The following SFMBT1 variants were observed in gnomAD, a reference collection of about 807,000 sequenced individuals.
SFMBT1 encodes the protein scm-like with four MBT domains protein 1.
SFMBT1 carries 32 observed loss-of-function variants against 108.7 expected under a neutral mutation model. The observed-to-expected ratio is 0.29, with a 90% CI of 0.22 to 0.40. The LOEUF (loss-of-function observed/expected upper bound fraction) is 0.40, where lower values mean the gene tolerates loss of function less well. Ranked by LOEUF, SFMBT1 falls within the 10% of genes least tolerant of loss-of-function variation. The pLI, the probability that SFMBT1 is intolerant of heterozygous loss-of-function variation, is 1.00. For synonymous variants in SFMBT1, 348 were observed against 369.5 expected (o/e 0.94, Z 0.67); for missense variants, 816 against 1,059.6 (o/e 0.77, Z 3.19).
chr3:52,917,101 AG>A (rs1211390886), intron 13 of SFMBT1, among the ~76,000 whole-genome samples: 1 of 74,460 alleles, frequency 1.3e-5, no homozygotes, highest in Non-Finnish European at 3.4e-5. Flanking sequence ...ATCCAAGGTC[AG>A]TCTTTTTTTT....
chr3:52,968,086 A>G (rs1156657559), intron 2 of SFMBT1, among the ~76,000 whole-genome samples: 1 of 152,266 alleles, frequency 6.6e-6, no homozygotes, highest in Admixed American at 6.5e-5. Flanking sequence ...ACTGCAGTAC[A>G]TTCATGACTG....
At chr3:52,910,898 T>C in intron 17 of SFMBT1, 105 bp downstream of exon 17, 1 of 925,854 alleles carries the variant, frequency 1.1e-6, no homozygotes, top group Non-Finnish European at 1.7e-6. Flanking sequence ...ACAGAAGAAG[T>C]TCGTGTGCCT....
intron 2 of SFMBT1, among the ~76,000 whole-genome samples, chr3:52,965,501 G>A (rs1358354654): frequency 6.6e-6 from 1 of 151,976 alleles, no homozygotes; most frequent in Non-Finnish European, 1.5e-5. Context: ...GGTGGGAGGT[G>A]GGAGAGTGTC....
rs115852111 is a variant in SFMBT1, at chr3:53,034,266, G to A, written c.-131+11550C>T. On this transcript the variant is annotated intron_variant, in intron 1 of 20. Coordinates refer to ENST00000394752, the MANE Select transcript of SFMBT1 (RefSeq NM_016329.4). ...AATACTTTATAAAATTTAAGTTAAG[G>A]AATCTTTCCTTGGCAAGATTCATCA... Among the ~76,000 whole-genome samples the A allele has an allele frequency of 4.8e-3, 723 of 152,202 alleles. 8 individuals are homozygous for A. Among genetic ancestry groups the A allele is most frequent in the African/African-American group, 0.017 (693 of 41,536 alleles).
chr3:52,936,893 CTTTTT>C (rs5848969), intron 4 of SFMBT1, among the ~76,000 whole-genome samples: 1 of 114,988 alleles, frequency 8.7e-6, no homozygotes, highest in African/African-American at 3.2e-5. Flanking sequence ...TTACACATTT[CTTTTT>C]TTTTTTTTTT....
intron 1 of SFMBT1, among the ~76,000 whole-genome samples, chr3:52,987,249 A>G (rs1266207100): frequency 2.0e-5 from 3 of 152,130 alleles, no homozygotes; most frequent in African/African-American, 7.2e-5. Context: ...ATACTCTAAA[A>G]TAATGATTTA....
intron 11 of SFMBT1, 30 bp downstream of exon 11, chr3:52,921,675 C>T: frequency 1.2e-6 from 2 of 1,607,366 alleles, no homozygotes; most frequent in Non-Finnish European, 1.7e-6. Flanking sequence ...AGAGTGGCCA[C>T]AGGAAGGCTT....
chr3:52,983,309 C>T (rs1416302050), intron 1 of SFMBT1, among the ~76,000 whole-genome samples: 2 of 152,082 alleles, frequency 1.3e-5, no homozygotes, highest in East Asian at 3.9e-4. Flanking sequence ...ATTTTTTCTC[C>T]AGCTTACTCT....
intron 1 of SFMBT1, among the ~76,000 whole-genome samples, chr3:53,035,207 TGG>T (rs1357180047): frequency 6.8e-6 from 1 of 147,848 alleles, no homozygotes. Context: ...CGGCCAAATG[TGG>T]GATTTTATGT....
intron 3 of SFMBT1, among the ~76,000 whole-genome samples, chr3:52,950,033 T>C (rs1350881615): frequency 2.0e-5 from 3 of 151,948 alleles, no homozygotes. Flanking sequence ...TTGGGTCATA[T>C]TTTTTGATCC....
intron 1 of SFMBT1, among the ~76,000 whole-genome samples, chr3:52,970,027 TG>T (rs901184235): frequency 6.6e-6 from 1 of 151,074 alleles, no homozygotes; most frequent in African/African-American, 2.4e-5. Flanking sequence ...GGCTTGAGTC[TG>T]GGGGACGGAG....
intron 1 of SFMBT1, among the ~76,000 whole-genome samples, chr3:52,989,047 T>A (rs2106891839): frequency 6.6e-6 from 1 of 152,190 alleles, no homozygotes; most frequent in South Asian, 2.1e-4. Flanking sequence ...AATTTTTGGT[T>A]AAATCTCTAC....
intron 1 of SFMBT1, among the ~76,000 whole-genome samples, chr3:53,030,859 A>G (rs1252155201): frequency 6.6e-6 from 1 of 152,190 alleles, no homozygotes; most frequent in Non-Finnish European, 1.5e-5. Flanking sequence ...ACAGTTTTAC[A>G]TAAGATTATT....
chr3:52,950,739 G>T (rs1289496355), intron 3 of SFMBT1, among the ~76,000 whole-genome samples: 2 of 151,940 alleles, frequency 1.3e-5, no homozygotes, highest in Non-Finnish European at 2.9e-5. Context: ...CTCCCAAAGT[G>T]CTGGGATTAC....
At chr3:52,975,314 A>G (rs185880616) in intron 1 of SFMBT1, among the ~76,000 whole-genome samples, 40 of 152,318 alleles carry the variant, frequency 2.6e-4, no homozygotes, top group Non-Finnish European at 5.1e-4. Context: ...TTCTTCTCCA[A>G]ATCCCAATAG....
chr3:53,014,365 G>A, intron 1 of SFMBT1, among the ~76,000 whole-genome samples: 1 of 152,138 alleles, frequency 6.6e-6, no homozygotes. Context: ...AGCACTTTGG[G>A]AGGCTGAGGC....
chr3:52,913,672 C>T (rs902404333), intron 14 of SFMBT1, 55 bp from the exon 15 acceptor site: 43 of 1,582,940 alleles, frequency 2.7e-5, no homozygotes, highest in Non-Finnish European at 3.3e-5. Context: ...CCCCACGTTT[C>T]CAAAGCTGAA....
At chr3:52,991,625 T>C (rs1705135044) in intron 1 of SFMBT1, among the ~76,000 whole-genome samples, 1 of 152,172 alleles carries the variant, frequency 6.6e-6, no homozygotes, top group Admixed American at 6.5e-5. Flanking sequence ...ATTACAGGCG[T>C]GAGCCACCTC....
At chr3:52,953,491 G>A (rs893176991) in intron 3 of SFMBT1, among the ~76,000 whole-genome samples, 1 of 151,894 alleles carries the variant, frequency 6.6e-6, no homozygotes, top group African/African-American at 2.4e-5. Flanking sequence ...ACAAAATTTG[G>A]GGTACTTTCT....
Sources: allele counts gnomAD v4.1 joint callset (sites outside exome capture counted in the v4.1 genomes callset), GRCh38; gene constraint gnomAD v4.1.1; transcripts MANE v1.5; gene names NCBI Gene and HGNC (gene_info 2026-07-23, HGNC 2026-07-21).